The following UNKL variants were observed in gnomAD, a reference collection of about 807,000 sequenced individuals.
The protein encoded by UNKL is unk like zinc finger.
In UNKL, 60 loss-of-function variants were observed where a neutral mutation model predicts 78.0. The ratio of observed to expected loss-of-function variants is 0.77; its 90% confidence interval spans 0.63 to 0.95. The LOEUF (loss-of-function observed/expected upper bound fraction) is 0.95, where lower values mean the gene tolerates loss of function less well. UNKL is among the 40% of genes least tolerant of loss of function. The probability of loss-of-function intolerance (pLI) is 0.00; values close to 1 mark genes in which losing one functional copy is unlikely to be tolerated. For missense variants in UNKL, 1,159 were observed against 1,045.7 expected (o/e 1.11, Z -1.49); for synonymous variants, 608 against 474.8 (o/e 1.28, Z -3.65).
rs34428580 is a variant in UNKL, at chr16:1,364,829, C to T, written c.*1411G>A. The T allele has an allele frequency of 0.064, 9,803 of 152,276 alleles. 401 individuals are homozygous for T. Among genetic ancestry groups the T allele is most frequent in the Non-Finnish European group, 0.094 (6,406 of 68,046 alleles). 9.4% of individuals were successfully genotyped at this position (152,276 alleles called of 1,614,324 possible). Reference sequence around the variant, plus strand: ...GGCACCCCGGACCCTGGCGCACACACGGCCCGAGCATCTCCCACACGAGCA... The same window carrying T: ...GGCACCCCGGACCCTGGCGCACACATGGCCCGAGCATCTCCCACACGAGCA... On this transcript the variant is annotated 3_prime_UTR_variant, in exon 15 of 15. Transcript: ENST00000389221.
At chr16:1,413,716 G>T in intron 2 of UNKL, 130 bp downstream of exon 2, 1 of 1,043,466 alleles carries the variant, frequency 9.6e-7, no homozygotes, top group Non-Finnish European at 1.3e-6. Flanking sequence ...AAATTTCAGC[G>T]TATAATTACG....
At chr16:1,371,395 G>C in intron 11 of UNKL, 124 bp downstream of exon 11, 1 of 896,716 alleles carries the variant, frequency 1.1e-6, no homozygotes, top group Non-Finnish European at 1.7e-6. Context: ...CCAGGCAGGA[G>C]TGCAGTGGTG....
Position 1,364,024 on chromosome 16 carries a change from C to T in UNKL, c.*2216G>A, listed in dbSNP as rs1390896734. Reference sequence around the variant, plus strand: ...GACCACTGACAACCGGGAGATGTCTCGGCAGACACCACTTATCCCAGAAAA... The same window carrying T: ...GACCACTGACAACCGGGAGATGTCTTGGCAGACACCACTTATCCCAGAAAA... On this transcript the variant is annotated 3_prime_UTR_variant, in exon 15 of 15. Transcript: ENST00000389221. 3.9e-5 allele frequency: 6 copies of T among 152,176 alleles called. No homozygotes were observed. Among genetic ancestry groups the T allele is most frequent in the Admixed American group, 6.5e-5 (1 of 15,268 alleles). 9.4% of individuals were successfully genotyped at this position (152,176 alleles called of 1,614,324 possible).
chr16:1,406,022 C>T (rs751244147), intron 2 of UNKL: 54 of 456,646 alleles, frequency 1.2e-4, no homozygotes, highest in African/African-American at 1.1e-3. Context: ...CTGGTGTGGA[C>T]GAGGCCCGTG....
At chr16:1,379,912 G>C (rs2036532581) in intron 10 of UNKL, among the ~76,000 whole-genome samples, 3 of 151,814 alleles carry the variant, frequency 2.0e-5, no homozygotes, top group Non-Finnish European at 4.4e-5. Flanking sequence ...CCCGCTGCCC[G>C]GCTCCTCCTG....
intron 9 of UNKL, among the ~76,000 whole-genome samples, chr16:1,390,229 G>A (rs534358768): frequency 6.6e-5 from 10 of 152,046 alleles, no homozygotes; most frequent in Admixed American, 5.2e-4. Flanking sequence ...CTCGTGATCC[G>A]CCCACCTTGG....
chr16:1,366,378 G>T lies in UNKL; in HGVS notation c.2064C>A (p.Arg688=), dbSNP rs113292764. ...CCCGGCAGGCCACACACTGCTTGGC[G>T]CGGAGCTGGAAGATCACCTGCAGGG... ...EAVDGVIFQL[R]AKQCVACRER... is the part of the protein sequence containing the mutation. Residue 688 remains arginine, a synonymous_variant, in exon 15 of 15, where the codon CGC becomes CGA. Coordinates refer to ENST00000389221, the MANE Select transcript of UNKL (RefSeq NM_001372107.1). 8 of 1,596,354 alleles carry T rather than the reference G, an allele frequency of 5.0e-6. No individual in the cohort carries two copies. Among genetic ancestry groups the T allele is most frequent in the Non-Finnish European group, 6.8e-6 (8 of 1,169,742 alleles).
At chr16:1,379,519 CGCGGGGGACGCACCTG>C (rs1024683620) in intron 10 of UNKL, 74 of 985,266 alleles carry the variant, frequency 7.5e-5, no homozygotes, top group African/African-American at 1.7e-4. Flanking sequence ...GGCTCCGTGA[CGCGGGGGACGCACCTG>C]GCGGGGGGCG....
At position 1,370,301 on chromosome 16, in the gene UNKL, C is replaced by T; in HGVS notation, c.1414G>A (p.Ala472Thr). The part of the protein sequence containing the change: ...PVAIPGSLPR[A>T]PSLHSPSSAS... The stretch of plus-strand genomic sequence containing the variant: ...GAGGATGGCGAGTGTAGCGATGGTG[C>T]TCTGGGCAGGGAGCCGGGGATGGCG... The change falls in exon 12 of 15, where the codon GCA (alanine) becomes ACA (threonine). Residue 472 changes from alanine (A) to threonine (T), a missense_variant. Transcript: ENST00000389221. 2 of 1,534,202 alleles carry T rather than the reference C, an allele frequency of 1.3e-6. No homozygotes were observed. Among genetic ancestry groups the T allele is most frequent in the Non-Finnish European group, 1.7e-6 (2 of 1,145,958 alleles).
intron 5 of UNKL, among the ~76,000 whole-genome samples, chr16:1,397,955 C>T (rs1301329415): frequency 6.6e-6 from 1 of 152,248 alleles, no homozygotes; most frequent in Non-Finnish European, 1.5e-5. Context: ...CTCACGGACA[C>T]GCAGGCCCGG....
intron 10 of UNKL, chr16:1,383,635 T>TG: frequency 2.4e-6 from 1 of 414,870 alleles, no homozygotes; most frequent in Admixed American, 2.6e-5. Context: ...TAGGAGTTGC[T>TG]GGGGGCTTGC....
At chr16:1,366,581 G>T (rs1488865123) in intron 14 of UNKL, among the ~76,000 whole-genome samples, 186 bp from the exon 15 acceptor site, 1 of 152,214 alleles carries the variant, frequency 6.6e-6, no homozygotes, top group Non-Finnish European at 1.5e-5. Flanking sequence ...GGGTCAGGGG[G>T]TATGCTCTGT....
At chr16:1,385,939 T>G (rs915417228) in intron 9 of UNKL, among the ~76,000 whole-genome samples, 1 of 152,234 alleles carries the variant, frequency 6.6e-6, no homozygotes, top group African/African-American at 2.4e-5. Flanking sequence ...CACAGGGCAA[T>G]TCACATGATC....
rs1003446184 is a variant in UNKL, at chr16:1,366,188, G to A, written c.*52C>T. On this transcript the variant is annotated 3_prime_UTR_variant, in exon 15 of 15. Transcript: ENST00000389221. ...CGAGTGACGACATGTCCGTGGTCAG[G>A]AGGAGCGCTGGAGCCAGGGTGCCCA... 95 of 1,443,616 alleles carry A rather than the reference G, an allele frequency of 6.6e-5. No individual in the cohort carries two copies. In the Admixed American group the frequency reaches 1.2e-3, roughly 19 times the overall value. 89.4% of individuals were successfully genotyped at this position (1,443,616 alleles called of 1,614,324 possible).
At chr16:1,377,618 G>A (rs377657642) in intron 10 of UNKL, among the ~76,000 whole-genome samples, 52 of 152,122 alleles carry the variant, frequency 3.4e-4, no homozygotes, top group African/African-American at 1.3e-3. Context: ...TCTTGTCATA[G>A]GCACCAGCTT....
chr16:1,403,211 C>G lies in UNKL; in HGVS notation c.421G>C (p.Ala141Pro). The G allele has an allele frequency of 6.2e-7, 1 of 1,613,888 alleles. No homozygotes were observed. Among genetic ancestry groups the G allele is most frequent in the Non-Finnish European group, 8.5e-7 (1 of 1,179,936 alleles). Residue 141 changes from alanine to proline, a missense_variant, in exon 3 of 15, where the codon GCG (alanine) becomes CCG (proline). Physicochemically the swap from Ala to Pro is conservative, Grantham distance 27. Transcript: ENST00000389221. This position sits in a 1 kb window ranked among gnomAD's most constrained non-coding sequence, Gnocchi z 4.8. ...CVKNGLHCAF[A>P]HGPLDLRPPV... Reference sequence around the variant, plus strand: ...GGCCGCAGGTCCAGGGGGCCGTGCGCGAAGGCACAGTGCAGCCCATTCTTC... The same window carrying G: ...GGCCGCAGGTCCAGGGGGCCGTGCGGGAAGGCACAGTGCAGCCCATTCTTC...
chr16:1,394,946 C>A (rs777404434), intron 6 of UNKL, among the ~76,000 whole-genome samples: 3 of 151,828 alleles, frequency 2.0e-5, no homozygotes, highest in Non-Finnish European at 2.9e-5. Flanking sequence ...CGCAAGATCT[C>A]GGCTCACTGC....
chr16:1,397,821 G>A (rs2142175524), intron 5 of UNKL, among the ~76,000 whole-genome samples: 1 of 152,066 alleles, frequency 6.6e-6, no homozygotes, highest in South Asian at 2.1e-4. Flanking sequence ...CGTGGACCTG[G>A]GGATGAGGAG....
chr16:1,388,696 C>G (rs577049279), intron 9 of UNKL, among the ~76,000 whole-genome samples: 1 of 152,136 alleles, frequency 6.6e-6, no homozygotes, highest in African/African-American at 2.4e-5. Flanking sequence ...AGGGGTCAGA[C>G]GAGAGCTCCG....
Sources: allele counts gnomAD v4.1 joint callset (sites outside exome capture counted in the v4.1 genomes callset), GRCh38; gene constraint gnomAD v4.1.1; non-coding constraint Gnocchi (gnomAD v3.1); transcripts MANE v1.5; gene names NCBI Gene and HGNC (gene_info 2026-07-23, HGNC 2026-07-21).